Variants in C10orf90 observed in about 807,000 individuals in gnomAD.
C10orf90 encodes chromosome 10 open reading frame 90.
C10orf90 carries 56 observed loss-of-function variants against 62.5 expected under a neutral mutation model. The observed-to-expected ratio is 0.90, with a 90% CI of 0.72 to 1.12. C10orf90 has a LOEUF of 1.12. Ranked by LOEUF, C10orf90 falls within the 50% of genes most tolerant of loss-of-function variation. C10orf90 has a pLI of 0.00. For missense variants in C10orf90, 970 were observed against 880.4 expected, an observed-to-expected ratio of 1.10 and a Z score of -1.29; for synonymous variants, 386 against 340.4, an observed-to-expected ratio of 1.13 and a Z score of -1.47.
In C10orf90 at chr10:126,649,034, G is replaced by GTCTCTC. The variant is rs1196569277; in HGVS notation, c.241-2403_241-2398dup. Reference sequence around the variant, plus strand: ...GATATCTCTCTCTCTCTCTGTCTCTGTCTCTCTCTCTCTCTCTCTCTCTCT... The same window carrying GTCTCTC: ...GATATCTCTCTCTCTCTCTGTCTCTGTCTCTCTCTCTCTCTCTCTCTCTCTCTCTCT... On this transcript the variant is annotated intron_variant, in intron 1 of 9. Coordinates refer to ENST00000488181, the MANE Select transcript of C10orf90 (RefSeq NM_001350921.2). Among the ~76,000 whole-genome samples, 188 of 26,526 alleles carry GTCTCTC rather than the reference G, an allele frequency of 7.1e-3. 4 individuals carry two copies. Among genetic ancestry groups the GTCTCTC allele is most frequent in the Middle Eastern group, 0.028 (1 of 36 alleles). The allele number at this position is 26,526 out of a possible 152,430, so 17.4% of individuals were successfully genotyped here. A position where few individuals can be genotyped will look rare whatever the true frequency, so the allele number is the denominator to read the frequency against.
chr10:126,474,302 A>T (rs117441204), intron 4 of C10orf90, among the ~76,000 whole-genome samples: 8,719 of 152,246 alleles, frequency 0.057, 336 homozygotes, highest in Middle Eastern at 0.088. Flanking sequence ...GCGCTGGCCC[A>T]TCAAGTCTCC....
At chr10:126,606,387 G>A (rs1184682516) in intron 2 of C10orf90, among the ~76,000 whole-genome samples, 5 of 152,156 alleles carry the variant, frequency 3.3e-5, no homozygotes, top group Non-Finnish European at 7.3e-5. Context: ...TGGTTCTTAC[G>A]AGGGGCTGTT....
At chr10:126,569,072 G>C (rs1418613175) in intron 2 of C10orf90, among the ~76,000 whole-genome samples, 1 of 152,128 alleles carries the variant, frequency 6.6e-6, no homozygotes, top group East Asian at 1.9e-4. Flanking sequence ...TGGCAGGAGG[G>C]TATGCAAGTC....
At chr10:126,620,524 A>G (rs1291492783) in intron 2 of C10orf90, among the ~76,000 whole-genome samples, 1 of 152,262 alleles carries the variant, frequency 6.6e-6, no homozygotes, top group African/African-American at 2.4e-5. Context: ...AGTCTTGTTT[A>G]AAAGAATGTC....
intron 1 of C10orf90, among the ~76,000 whole-genome samples, chr10:126,656,687 G>A (rs763947481): frequency 3.9e-5 from 6 of 152,240 alleles, no homozygotes; most frequent in Non-Finnish European, 8.8e-5. Context: ...CAGGGACTGG[G>A]CTTGGAAGTG....
At chr10:126,553,076 A>G (rs778383413) in intron 2 of C10orf90, among the ~76,000 whole-genome samples, 55 of 152,236 alleles carry the variant, frequency 3.6e-4, no homozygotes, top group Non-Finnish European at 5.4e-4. Flanking sequence ...AAAAGAAAAC[A>G]TAGAAGAATA....
In C10orf90 at chr10:126,453,098, C is replaced by T. The variant is rs1268772194; in HGVS notation, c.2188+5942G>A. On this transcript the variant is annotated intron_variant, in intron 7 of 9. Coordinates refer to ENST00000488181, the MANE Select transcript of C10orf90 (RefSeq NM_001350921.2). This position sits in a 1 kb window ranked among gnomAD's most constrained non-coding sequence, Gnocchi z 4.9. ...TTTAATACTTGCTCCAACCAAGAAT[C>T]ATCAGGGAAAGAAGATTTGTTGGAG... Among the ~76,000 whole-genome samples the T allele has an allele frequency of 1.3e-5, 2 of 152,208 alleles. No individual in the cohort carries two copies. Among genetic ancestry groups the T allele is most frequent in the Non-Finnish European group, 2.9e-5 (2 of 68,048 alleles).
At chr10:126,628,464 G>A (rs1174994367) in intron 2 of C10orf90, among the ~76,000 whole-genome samples, 1 of 152,098 alleles carries the variant, frequency 6.6e-6, no homozygotes, top group Non-Finnish European at 1.5e-5. Flanking sequence ...TGTTGTGTTT[G>A]TTGCTGTTTC....
chr10:126,603,417 A>G (rs1427600575), intron 2 of C10orf90, among the ~76,000 whole-genome samples: 1 of 152,110 alleles, frequency 6.6e-6, no homozygotes, highest in Non-Finnish European at 1.5e-5. Context: ...TGATTCAATT[A>G]CCTCCCACCA....
At chr10:126,507,356 CAAAAA>C (rs1204374185) in intron 3 of C10orf90, among the ~76,000 whole-genome samples, 36 of 69,048 alleles carry the variant, frequency 5.2e-4, no homozygotes, top group Admixed American at 9.7e-4. Flanking sequence ...GACTCCATCT[CAAAAA>C]AAAAAAAAAA....
chr10:126,450,918 G>T (rs1003301739), intron 7 of C10orf90, among the ~76,000 whole-genome samples: 3 of 152,138 alleles, frequency 2.0e-5, no homozygotes, highest in East Asian at 1.9e-4. Flanking sequence ...TGTAGAATGG[G>T]AGAAAATATA....
intron 2 of C10orf90, among the ~76,000 whole-genome samples, chr10:126,639,428 T>C (rs1321309394): frequency 6.6e-6 from 1 of 152,048 alleles, no homozygotes; most frequent in Non-Finnish European, 1.5e-5. Flanking sequence ...CTGGCTCCTT[T>C]ATTCAGATCA....
intron 2 of C10orf90, among the ~76,000 whole-genome samples, chr10:126,596,767 T>C (rs1231476808): frequency 1.3e-5 from 2 of 152,242 alleles, no homozygotes; most frequent in African/African-American, 4.8e-5. Flanking sequence ...CTATTGAATG[T>C]GTATCACTTT....
chr10:126,603,320 A>G (rs190274428), intron 2 of C10orf90, among the ~76,000 whole-genome samples: 383 of 152,258 alleles, frequency 2.5e-3, no homozygotes, highest in Admixed American at 5.3e-3. Context: ...AGTGCTGAGC[A>G]AAAGCGGGAA....
intron 7 of C10orf90, among the ~76,000 whole-genome samples, chr10:126,454,629 T>C (rs1859421220): frequency 6.6e-6 from 1 of 151,564 alleles, no homozygotes; most frequent in South Asian, 2.1e-4. Flanking sequence ...GCGGGGACTA[T>C]ACCCCCTAAT....
chr10:126,466,570 G>C (rs1860302270), intron 4 of C10orf90, among the ~76,000 whole-genome samples: 1 of 152,196 alleles, frequency 6.6e-6, no homozygotes, highest in African/African-American at 2.4e-5. Context: ...GGGCCAGGCT[G>C]TGTAGTACAG....
chr10:126,440,547 A>C (rs1473376096), intron 7 of C10orf90, among the ~76,000 whole-genome samples: 4 of 152,132 alleles, frequency 2.6e-5, no homozygotes. Flanking sequence ...AGCTGATGCT[A>C]TCTAGAAAGT....
chr10:126,627,735 C>T (rs560277018), intron 2 of C10orf90, among the ~76,000 whole-genome samples: 1 of 152,248 alleles, frequency 6.6e-6, no homozygotes, highest in East Asian at 1.9e-4. Flanking sequence ...AACCCAACTC[C>T]TAGGTACTCA....
chr10:126,586,415 G>A (rs1217063604), intron 2 of C10orf90, among the ~76,000 whole-genome samples: 1 of 152,214 alleles, frequency 6.6e-6, no homozygotes, highest in Non-Finnish European at 1.5e-5. Flanking sequence ...TGGCACAGAG[G>A]GCAGGCAAAG....
Sources: gnomAD v4.1 joint callset for allele counts (sites outside exome capture counted in the v4.1 genomes callset) on GRCh38, gnomAD v4.1.1 for gene constraint, Gnocchi (gnomAD v3.1) non-coding constraint, MANE v1.5 for transcripts, NCBI Gene and HGNC (gene_info 2026-07-23, HGNC 2026-07-21) for gene names.